Variants in ZDHHC7 observed in about 807,000 individuals in gnomAD.
The protein encoded by ZDHHC7 is palmitoyltransferase ZDHHC7.
In ZDHHC7, 12 loss-of-function variants were observed where a neutral mutation model predicts 34.1. The observed-to-expected ratio is 0.35, with a 90% CI of 0.23 to 0.57. The LOEUF is 0.57. ZDHHC7 is among the 20% of genes least tolerant of loss of function. The probability of loss-of-function intolerance (pLI) is 0.84; values close to 1 mark genes in which losing one functional copy is unlikely to be tolerated. For synonymous variants in ZDHHC7, 185 were observed against 155.4 expected, an observed-to-expected ratio of 1.19 and a Z score of -1.42; for missense variants, 388 against 402.7, an observed-to-expected ratio of 0.96 and a Z score of 0.31.
the ZDHHC7 span, among the ~76,000 whole-genome samples, chr16:85,023,147 T>C: frequency 4.6e-5 from 7 of 151,764 alleles, no homozygotes; most frequent in African/African-American, 1.7e-4. Flanking sequence ...TAATATATTA[T>C]GGTTTTCTTT....
At chr16:84,996,653 A>G (rs1288737346) in intron 1 of ZDHHC7, among the ~76,000 whole-genome samples, 2 of 151,922 alleles carry the variant, frequency 1.3e-5, no homozygotes, top group Admixed American at 1.3e-4. Context: ...TCACTGTCAG[A>G]CCTCCCTAAG....
At position 85,001,196 on chromosome 16, in the gene ZDHHC7, C is replaced by CGCG. The variant is rs1567504544; in HGVS notation, c.-103-5192_-103-5190dup. On this transcript the variant is annotated intron_variant, in intron 1 of 7. Transcript: ENST00000313732. ...GGTTTAAAAGATAACTGGGGCCGGG[C>CGCG]GCGGTGCCTCATGCCCGTAATCCCA... 3.9e-5 allele frequency among the ~76,000 whole-genome samples: 6 copies of CGCG among 152,208 alleles called. No individual in the cohort carries two copies. In the South Asian group the frequency reaches 1.2e-3, roughly 32 times the overall value.
chr16:85,000,910 A>G (rs2072644079), intron 1 of ZDHHC7, among the ~76,000 whole-genome samples: 1 of 152,216 alleles, frequency 6.6e-6, no homozygotes, highest in Non-Finnish European at 1.5e-5. Flanking sequence ...GAAAACAGCT[A>G]CTTCTGGAAG....
In ZDHHC7 at chr16:84,977,937, T is replaced by C. The variant is rs775908748; in HGVS notation, c.606A>G (p.Arg202=). 6.2e-7 allele frequency: 1 copy of C among 1,613,746 alleles called. No individual in the cohort carries two copies. The highest frequency in any genetic ancestry group is 1.7e-5 in the Admixed American group (1 of 59,986). ...LCGFQFISCV[R]GQWTECSDFS... ...CAGGGAACTTACCAGTCCACTGCCC[T>C]CGGACACAGGAGATGAACTGAAATC... is the stretch of plus-strand genomic sequence containing the variant. Residue 202 remains arginine, a synonymous_variant, in exon 6 of 8, where the codon CGA becomes CGG. Coordinates refer to ENST00000313732, the MANE Select transcript of ZDHHC7 (RefSeq NM_017740.3).
Position 84,977,220 on chromosome 16 carries a change from T to C in ZDHHC7, c.625A>G (p.Ser209Gly). 6.2e-7 allele frequency: 1 copy of C among 1,614,130 alleles called. No homozygotes were observed. The highest frequency in any genetic ancestry group is 8.5e-7 in the Non-Finnish European group (1 of 1,179,998). The change falls in exon 7 of 8, where the codon AGT (serine) becomes GGT (glycine). Residue 209 changes from serine (S) to glycine (G), a missense_variant. Transcript: ENST00000313732. ...SCVRGQWTECSDFSPPITVIL... is the reference protein window; with the variant it reads ...SCVRGQWTECGDFSPPITVIL... The stretch of plus-strand genomic sequence containing the variant: ...ACAGTTATCGGAGGTGAAAAATCAC[T>C]GCATTCTGCGGACAAGAGGAAGTTG...
the ZDHHC7 span, among the ~76,000 whole-genome samples, chr16:85,018,191 C>T: frequency 6.6e-6 from 1 of 152,120 alleles, no homozygotes; most frequent in Non-Finnish European, 1.5e-5. Context: ...GAATTTAATT[C>T]TCCTGTGGCC....
At chr16:84,988,382 G>A (rs113119781) in intron 3 of ZDHHC7, among the ~76,000 whole-genome samples, 3 of 152,154 alleles carry the variant, frequency 2.0e-5, no homozygotes, top group Admixed American at 6.5e-5. Flanking sequence ...GACTACACAC[G>A]AGGATGGATT....
intron 1 of ZDHHC7, among the ~76,000 whole-genome samples, chr16:85,009,778 G>A (rs1241279515): frequency 7.4e-6 from 1 of 135,476 alleles, no homozygotes; most frequent in African/African-American, 2.8e-5. Flanking sequence ...GCGCGATCTT[G>A]GCTCACTGCA....
chr16:84,976,305 G>C lies in ZDHHC7; in HGVS notation c.*38C>G, dbSNP rs977610873. ...CCTTCAGACCCCAAATAAATAACTGGAAGTCTGTGAGCAAGTTTCAGTCTG... is the reference window on the plus strand; with the variant it reads ...CCTTCAGACCCCAAATAAATAACTGCAAGTCTGTGAGCAAGTTTCAGTCTG... On this transcript the variant is annotated 3_prime_UTR_variant, in exon 8 of 8. Transcript: ENST00000313732. 2 of 1,607,982 alleles carry C rather than the reference G, an allele frequency of 1.2e-6. No homozygotes were observed. Among genetic ancestry groups the C allele is most frequent in the Non-Finnish European group, 8.5e-7 (1 of 1,178,612 alleles).
At chr16:85,019,788 C>G in the ZDHHC7 span, among the ~76,000 whole-genome samples, 2 of 152,178 alleles carry the variant, frequency 1.3e-5, no homozygotes, top group African/African-American at 2.4e-5. Context: ...AATGAGTGAA[C>G]TCACTATGAT....
chr16:84,979,167 A>G, intron 5 of ZDHHC7, 22 bp downstream of exon 5: 1 of 1,580,278 alleles, frequency 6.3e-7, no homozygotes, highest in African/African-American at 1.4e-5. Flanking sequence ...TGTAAATTCA[A>G]TACAAAAATA....
rs58315276 is a variant in ZDHHC7 at position 84,985,952 on chromosome 16, CAAAAAA to C, written c.316-3964_316-3959del. Among the ~76,000 whole-genome samples the C allele has an allele frequency of 2.0e-4, 11 of 54,028 alleles. No individual in the cohort carries two copies. The Admixed American group carries it at 2.2e-3, about 11-fold the overall frequency. 35.4% of individuals were successfully genotyped at this position (54,028 alleles called of 152,430 possible). ...CCTGGGCAACAGAGTGAGACTGTCTCAAAAAAAAAAAAAAAAAAAAAAAAGAATTGA... is the reference window on the plus strand; with the variant it reads ...CCTGGGCAACAGAGTGAGACTGTCTCAAAAAAAAAAAAAAAAAAGAATTGA... On this transcript the variant is annotated intron_variant, in intron 3 of 7. Coordinates refer to ENST00000313732, the MANE Select transcript of ZDHHC7 (RefSeq NM_017740.3).
At position 85,009,488 on chromosome 16, in the gene ZDHHC7, A is replaced by T. The variant is rs114680711; in HGVS notation, c.-104+1798T>A. Among the ~76,000 whole-genome samples, 1,498 of 152,246 alleles carry T rather than the reference A, an allele frequency of 9.8e-3. 46 individuals carry two copies. Among genetic ancestry groups the T allele is most frequent in the African/African-American group, 0.035 (1,442 of 41,486 alleles). On this transcript the variant is annotated intron_variant, in intron 1 of 7. Transcript: ENST00000313732. ...TGTCAACTGAGGCAGGCTCTGAGCC[A>T]ATGGTAGCAGAAGAGTTCCCATTGT... is the stretch of plus-strand genomic sequence containing the variant.
chr16:85,006,178 G>A (rs901737797), intron 1 of ZDHHC7, among the ~76,000 whole-genome samples: 8 of 151,968 alleles, frequency 5.3e-5, no homozygotes, highest in African/African-American at 1.9e-4. Flanking sequence ...GCAACATAGC[G>A]AGACCCTATC....
chr16:84,989,229 G>T (rs1454001124), intron 3 of ZDHHC7, among the ~76,000 whole-genome samples: 1 of 152,160 alleles, frequency 6.6e-6, no homozygotes, highest in Non-Finnish European at 1.5e-5. Flanking sequence ...CTCTGGTTGG[G>T]CCTATAATAC....
At chr16:85,016,145 G>C (rs1425423773), upstream of ZDHHC7, among the ~76,000 whole-genome samples, 1 of 151,974 alleles carries the variant, frequency 6.6e-6, no homozygotes, top group Non-Finnish European at 1.5e-5. Flanking sequence ...CAGTTGGTTG[G>C]GGGGCTTAGA....
intron 1 of ZDHHC7, among the ~76,000 whole-genome samples, chr16:85,009,585 A>C (rs2072761551): frequency 6.6e-6 from 1 of 152,206 alleles, no homozygotes; most frequent in Non-Finnish European, 1.5e-5. Context: ...ATCAGAAGCC[A>C]ATGTGGGCCC....
At chr16:85,007,398 G>A (rs1331439548) in intron 1 of ZDHHC7, among the ~76,000 whole-genome samples, 3 of 149,012 alleles carry the variant, frequency 2.0e-5, no homozygotes, top group Non-Finnish European at 4.4e-5. Context: ...ACTCCAGCCT[G>A]GGCAACAGAG....
intron 1 of ZDHHC7, among the ~76,000 whole-genome samples, chr16:85,006,575 G>A (rs9926604): frequency 0.17 from 25,096 of 150,794 alleles, 2,126 homozygotes; most frequent in Middle Eastern, 0.21. Context: ...CCCCATTTCT[G>A]TAATTTAAAA....
Sources: allele counts gnomAD v4.1 joint callset (sites outside exome capture counted in the v4.1 genomes callset), GRCh38; gene constraint gnomAD v4.1.1; transcripts MANE v1.5; gene names NCBI Gene and HGNC (gene_info 2026-07-23, HGNC 2026-07-21).